The following PLCL1 variants were observed in gnomAD, a reference collection of about 807,000 sequenced individuals.
PLCL1 encodes phospholipase C like 1 (inactive), also known as inactive phospholipase C-like protein 1.
In PLCL1, 41 loss-of-function variants were observed where a neutral mutation model predicts 84.4. The ratio of observed to expected loss-of-function variants is 0.49; its 90% CI spans 0.38 to 0.63. The LOEUF (loss-of-function observed/expected upper bound fraction) is 0.63, where lower values mean the gene tolerates loss of function less well. Among genes scored for constraint, PLCL1 ranks in the 30% least tolerant of loss-of-function variants. The probability of loss-of-function intolerance (pLI) is 0.00; values close to 1 mark genes in which losing one functional copy is unlikely to be tolerated. For synonymous variants in PLCL1, 490 were observed against 488.3 expected, an observed-to-expected ratio of 1.00 and a Z score of -0.05; for missense variants, 1,206 against 1,367.8, an observed-to-expected ratio of 0.88 and a Z score of 1.87.
chr2:198,102,024 A>G (rs140631048), intron 4 of PLCL1, among the ~76,000 whole-genome samples: 62 of 152,208 alleles, frequency 4.1e-4, no homozygotes, highest in Non-Finnish European at 7.5e-4. Flanking sequence ...TCTGCAAAGT[A>G]ATCATCATTA....
chr2:197,985,855 C>T (rs918020835), intron 1 of PLCL1, among the ~76,000 whole-genome samples: 4 of 152,112 alleles, frequency 2.6e-5, no homozygotes, highest in Non-Finnish European at 4.4e-5. Flanking sequence ...ATGAGAGGAT[C>T]CATTTTAAGT....
In PLCL1 at chr2:198,070,926, T is replaced by G. The variant is rs547249124; in HGVS notation, c.241-12832T>G. On this transcript the variant is annotated intron_variant, in intron 1 of 5. Coordinates refer to ENST00000428675, the MANE Select transcript of PLCL1 (RefSeq NM_006226.4). The stretch of plus-strand genomic sequence containing the variant: ...TATGCTAATATATGTTAATTTTAAA[T>G]AATTTGAGCAATACAGAGAAAGAAA... The G allele has an allele frequency of 1.2e-5, 2 of 166,730 alleles. 1 individual carries two copies. The highest frequency in any genetic ancestry group is 3.9e-4 in the South Asian group (2 of 5,116). The allele number at this position is 166,730 out of a possible 1,614,324, so 10.3% of individuals were successfully genotyped here.
At chr2:198,042,622 A>G (rs1411253091) in intron 1 of PLCL1, among the ~76,000 whole-genome samples, 1 of 152,204 alleles carries the variant, frequency 6.6e-6, no homozygotes, top group East Asian at 1.9e-4. Context: ...GTGGGCCTGC[A>G]TTACAGCTTT....
At chr2:197,982,278 C>G (rs1352407558) in intron 1 of PLCL1, among the ~76,000 whole-genome samples, 1 of 151,802 alleles carries the variant, frequency 6.6e-6, no homozygotes, top group African/African-American at 2.4e-5. Context: ...CTAGGAGCCC[C>G]TTTGTATCTC....
intron 1 of PLCL1, among the ~76,000 whole-genome samples, chr2:198,071,399 T>G (rs1321409868): frequency 3.9e-5 from 6 of 151,968 alleles, no homozygotes. Flanking sequence ...GATGCATCTT[T>G]AATGTTTTAA....
intron 1 of PLCL1, among the ~76,000 whole-genome samples, chr2:197,927,468 C>T (rs1027138784): frequency 6.6e-6 from 1 of 152,182 alleles, no homozygotes; most frequent in Non-Finnish European, 1.5e-5. Context: ...GTTCTTCTAT[C>T]ATTTTGAGGG....
At chr2:198,083,353 A>G (rs146395183) in intron 1 of PLCL1, among the ~76,000 whole-genome samples, 1 of 152,232 alleles carries the variant, frequency 6.6e-6, no homozygotes, top group South Asian at 2.1e-4. Flanking sequence ...AACTTTAAGA[A>G]AACCTCTTTA....
At chr2:197,846,933 T>C (rs1031522141) in intron 1 of PLCL1, among the ~76,000 whole-genome samples, 5 of 152,166 alleles carry the variant, frequency 3.3e-5, no homozygotes, top group South Asian at 2.1e-4. Context: ...ATTGCTGATA[T>C]GAGACTTGTG....
At chr2:198,139,194 G>A (rs1322223401) in intron 5 of PLCL1, among the ~76,000 whole-genome samples, 2 of 152,168 alleles carry the variant, frequency 1.3e-5, no homozygotes, top group African/African-American at 4.8e-5. Flanking sequence ...TTGATGTGGT[G>A]TATGGACATT....
At position 197,902,915 on chromosome 2, in the gene PLCL1, G is replaced by A. The variant is rs116383704; in HGVS notation, c.240+97576G>A. Among the ~76,000 whole-genome samples, 629 of 152,244 alleles carry A rather than the reference G, an allele frequency of 4.1e-3. 3 individuals carry two copies. The highest frequency in any genetic ancestry group is 0.015 in the African/African-American group (605 of 41,538). On this transcript the variant is annotated intron_variant, in intron 1 of 5. Coordinates refer to ENST00000428675, the MANE Select transcript of PLCL1 (RefSeq NM_006226.4). The stretch of plus-strand genomic sequence containing the variant: ...TCCAGCTCAGGAGAGTGCTGATTCT[G>A]CACTCCTGTTACTATTGATACACTG...
chr2:197,897,168 CT>C lies in PLCL1; in HGVS notation c.240+91831del, dbSNP rs1346484711. On this transcript the variant is annotated intron_variant, in intron 1 of 5. Coordinates refer to ENST00000428675, the MANE Select transcript of PLCL1 (RefSeq NM_006226.4). ...TCTTCTTCTTCTTCTTCTTCTTCTT[CT>C]TCTTCTTCTTCTTCTTCTTCTCCTT... 4.6e-3 allele frequency among the ~76,000 whole-genome samples: 146 copies of C among 31,446 alleles called. 7 individuals are homozygous for C. Among genetic ancestry groups the C allele is most frequent in the African/African-American group, 0.028 (122 of 4,432 alleles). 20.6% of individuals were successfully genotyped at this position (31,446 alleles called of 152,430 possible).
intron 1 of PLCL1, among the ~76,000 whole-genome samples, chr2:197,843,025 G>C (rs562895612): frequency 6.6e-6 from 1 of 152,202 alleles, no homozygotes; most frequent in Admixed American, 6.5e-5. Context: ...CTCCTTTATA[G>C]CCTCTCCTGC....
intron 1 of PLCL1, among the ~76,000 whole-genome samples, chr2:197,895,926 A>G (rs1343854007): frequency 6.6e-6 from 1 of 152,076 alleles, no homozygotes; most frequent in East Asian, 1.9e-4. Flanking sequence ...TTATACTGTC[A>G]TGTATAATGA....
In PLCL1 at chr2:197,890,697, T is replaced by TAC. The variant is rs1688000600; in HGVS notation, c.240+85359_240+85360insCA. ...TATTTTTTTGCTATATATATATATA[T>TAC]ATATACACACACACATATACGTATA... is the stretch of plus-strand genomic sequence containing the variant. On this transcript the variant is annotated intron_variant, in intron 1 of 5. Coordinates refer to ENST00000428675, the MANE Select transcript of PLCL1 (RefSeq NM_006226.4). 4.6e-5 allele frequency among the ~76,000 whole-genome samples: 6 copies of TAC among 131,178 alleles called. No individual in the cohort carries two copies. The Admixed American group carries it at 4.7e-4, about 10-fold the overall frequency. 86.1% of individuals were successfully genotyped at this position (131,178 alleles called of 152,430 possible).
At chr2:198,041,937 C>A (rs774851786) in intron 1 of PLCL1, among the ~76,000 whole-genome samples, 1 of 152,182 alleles carries the variant, frequency 6.6e-6, no homozygotes, top group East Asian at 1.9e-4. Flanking sequence ...AGTTGGGTAT[C>A]CCCCCTTCCT....
At chr2:198,093,287 T>C (rs1018371193) in intron 3 of PLCL1, among the ~76,000 whole-genome samples, 9 of 152,220 alleles carry the variant, frequency 5.9e-5, no homozygotes, top group Admixed American at 5.2e-4. Flanking sequence ...ATGTCAACTA[T>C]GGACTTTAGC....
At chr2:197,860,359 G>A (rs1687406505) in intron 1 of PLCL1, among the ~76,000 whole-genome samples, 1 of 152,090 alleles carries the variant, frequency 6.6e-6, no homozygotes, top group Admixed American at 6.6e-5. Context: ...TGTCTTTATG[G>A]TGGAATGATT....
chr2:197,971,008 G>A (rs139794459), intron 1 of PLCL1, among the ~76,000 whole-genome samples: 1 of 152,314 alleles, frequency 6.6e-6, no homozygotes, highest in African/African-American at 2.4e-5. Flanking sequence ...TAATAAGAAG[G>A]CTGGGGTTAT....
Position 197,961,289 on chromosome 2 carries a change from G to A in PLCL1, c.241-122469G>A, listed in dbSNP as rs529606336. Among the ~76,000 whole-genome samples the A allele has an allele frequency of 4.0e-5, 6 of 150,654 alleles. No homozygotes were observed. In the South Asian group the frequency reaches 1.3e-3, roughly 32 times the overall value. On this transcript the variant is annotated intron_variant, in intron 1 of 5. Coordinates refer to ENST00000428675, the MANE Select transcript of PLCL1 (RefSeq NM_006226.4). ...AGAGCGAGCATGCATAGGTTTTAAT[G>A]TCTAACATTAGATTTTTTGCTTGGG...
Sources: gnomAD v4.1 joint callset for allele counts (sites outside exome capture counted in the v4.1 genomes callset) on GRCh38, gnomAD v4.1.1 for gene constraint, MANE v1.5 for transcripts, NCBI Gene and HGNC (gene_info 2026-07-23, HGNC 2026-07-21) for gene names.